DTD1: variants seen among roughly 807,000 people sequenced by gnomAD.
DTD1 encodes D-tyrosyl-tRNA deacylase 1 homolog.
Under a neutral mutation model 25.6 loss-of-function variants are expected in DTD1, and 13 were observed. That is an observed-to-expected ratio of 0.51 (90% confidence interval 0.33 to 0.81). The LOEUF is 0.81. DTD1 is among the 30% of genes least tolerant of loss of function. DTD1 has a pLI of 0.02. For synonymous variants in DTD1, 110 were observed against 103.6 expected, an observed-to-expected ratio of 1.06 and a Z score of -0.37; for missense variants, 193 against 266.4, an observed-to-expected ratio of 0.72 and a Z score of 1.92.
At chr20:18,594,292 C>T (rs1433965456) in intron 2 of DTD1, among the ~76,000 whole-genome samples, 2 of 152,120 alleles carry the variant, frequency 1.3e-5, no homozygotes, top group Non-Finnish European at 2.9e-5. Flanking sequence ...AGTCTGGGCT[C>T]CCTGACCTTG....
chr20:18,641,359 A>C (rs2060827439), intron 4 of DTD1, among the ~76,000 whole-genome samples: 1 of 152,234 alleles, frequency 6.6e-6, no homozygotes, highest in Non-Finnish European at 1.5e-5. Context: ...GTAAATACCT[A>C]GGTACAGGTT....
In DTD1 at chr20:18,651,979, G is replaced by A. The variant is rs191962612; in HGVS notation, c.477+23746G>A. On this transcript the variant is annotated intron_variant, in intron 4 of 5. Transcript: ENST00000377452. ...TGTCCAGAGGATGAGAGGTAGGGCC[G>A]TTAGCCACTGGTTCCTGTCCCCATT... 3.3e-3 allele frequency among the ~76,000 whole-genome samples: 507 copies of A among 152,322 alleles called. 4 individuals are homozygous for A. The highest frequency in any genetic ancestry group is 0.011 in the African/African-American group (476 of 41,568).
chr20:18,720,827 C>T (rs1396869609), intron 4 of DTD1, among the ~76,000 whole-genome samples: 1 of 151,870 alleles, frequency 6.6e-6, no homozygotes, highest in Admixed American at 6.6e-5. Flanking sequence ...CACTGCACTC[C>T]AGCCTGGGCG....
At chr20:18,718,809 T>C (rs983809374) in intron 4 of DTD1, among the ~76,000 whole-genome samples, 8 of 152,220 alleles carry the variant, frequency 5.3e-5, no homozygotes, top group African/African-American at 1.9e-4. Flanking sequence ...AAGGAGAACT[T>C]ATTTTATGTT....
chr20:18,706,667 T>G (rs2061127664), intron 4 of DTD1, among the ~76,000 whole-genome samples: 1 of 152,216 alleles, frequency 6.6e-6, no homozygotes. Flanking sequence ...ATAGGTAATC[T>G]CTTGAAAAAA....
intron 4 of DTD1, among the ~76,000 whole-genome samples, chr20:18,734,355 C>T (rs776379435): frequency 1.2e-4 from 18 of 152,210 alleles, no homozygotes; most frequent in Non-Finnish European, 2.5e-4. Flanking sequence ...AATCTCTATA[C>T]GAAGTTGACA....
intron 4 of DTD1, among the ~76,000 whole-genome samples, chr20:18,683,963 A>G (rs2061006952): frequency 6.6e-6 from 1 of 151,996 alleles, no homozygotes; most frequent in African/African-American, 2.4e-5. Flanking sequence ...CCTGGAGGGG[A>G]TAAGAGTAGG....
intron 3 of DTD1, among the ~76,000 whole-genome samples, chr20:18,613,167 G>T (rs2060694677): frequency 6.6e-6 from 1 of 152,078 alleles, no homozygotes; most frequent in African/African-American, 2.4e-5. Flanking sequence ...GATGTTATTG[G>T]TTCCATTCAA....
intron 3 of DTD1, among the ~76,000 whole-genome samples, chr20:18,620,731 C>T (rs753076801): frequency 1.3e-5 from 2 of 151,904 alleles, no homozygotes; most frequent in South Asian, 4.2e-4. Context: ...GTACCTGGGA[C>T]TATGAGCATG....
intron 4 of DTD1, among the ~76,000 whole-genome samples, chr20:18,643,876 G>C (rs1296909328): frequency 6.6e-6 from 1 of 152,074 alleles, no homozygotes; most frequent in African/African-American, 2.4e-5. Flanking sequence ...GTGTGTGTGT[G>C]TACATGCACT....
chr20:18,618,605 ATG>A (rs1026579091), intron 3 of DTD1, among the ~76,000 whole-genome samples: 37 of 150,024 alleles, frequency 2.5e-4, no homozygotes, highest in South Asian at 1.0e-3. Flanking sequence ...ATACATACAT[ATG>A]TGTGTGTATA....
At chr20:18,713,106 C>G (rs1327545770) in intron 4 of DTD1, among the ~76,000 whole-genome samples, 4 of 152,288 alleles carry the variant, frequency 2.6e-5, no homozygotes, top group Admixed American at 2.6e-4. Flanking sequence ...TCTGCTCCCC[C>G]TCCCATGGCC....
At chr20:18,673,901 T>C (rs2122394310) in intron 4 of DTD1, among the ~76,000 whole-genome samples, 1 of 147,364 alleles carries the variant, frequency 6.8e-6, no homozygotes, top group Admixed American at 6.9e-5. Flanking sequence ...TAAAACCCTA[T>C]GTTAGTTTTT....
At chr20:18,616,818 T>C (rs188207655) in intron 3 of DTD1, among the ~76,000 whole-genome samples, 174 of 152,222 alleles carry the variant, frequency 1.1e-3, no homozygotes, top group Middle Eastern at 3.4e-3. Flanking sequence ...AAAAAATTTT[T>C]TTAAAAAAGC....
chr20:18,664,304 A>G (rs975794342), intron 4 of DTD1, among the ~76,000 whole-genome samples: 3 of 152,194 alleles, frequency 2.0e-5, no homozygotes, highest in East Asian at 1.9e-4. Context: ...TTTAAGACCT[A>G]TAAGAAGGAA....
chr20:18,641,742 C>A (rs994027392), intron 4 of DTD1, among the ~76,000 whole-genome samples: 1 of 151,934 alleles, frequency 6.6e-6, no homozygotes, highest in East Asian at 1.9e-4. Flanking sequence ...TGCAGAAGTT[C>A]TTTATGTATT....
rs6081351 is a variant in DTD1, at chr20:18,749,330, G to A, written c.*19+5059G>A. 0.26 allele frequency among the ~76,000 whole-genome samples: 39,478 copies of A among 152,046 alleles called. 5,361 individuals are homozygous for A. Among genetic ancestry groups the A allele is most frequent in the Middle Eastern group, 0.35 (102 of 294 alleles). ...GCCTGTGAGAGTGCTGCTCAGCATC[G>A]CCGTGGGGTGGGGAAGGCTCCAGAG... is the stretch of plus-strand genomic sequence containing the variant. On this transcript the variant is annotated intron_variant, in intron 5 of 5. Coordinates refer to ENST00000377452, the MANE Select transcript of DTD1 (RefSeq NM_080820.6). This position sits in a 1 kb window ranked among gnomAD's most constrained non-coding sequence, Gnocchi z 4.2.
At chr20:18,655,152 T>TA (rs1385276565) in intron 4 of DTD1, among the ~76,000 whole-genome samples, 1 of 152,252 alleles carries the variant, frequency 6.6e-6, no homozygotes, top group Non-Finnish European at 1.5e-5. Flanking sequence ...TTAGGATCTG[T>TA]AATACAGCCT....
intron 4 of DTD1, among the ~76,000 whole-genome samples, chr20:18,648,833 A>G (rs2060860367): frequency 6.6e-6 from 1 of 151,748 alleles, no homozygotes; most frequent in Admixed American, 6.6e-5. Context: ...CGTCTCTACT[A>G]AAAATACAAA....
Sources: allele counts gnomAD v4.1 joint callset (sites outside exome capture counted in the v4.1 genomes callset), GRCh38; gene constraint gnomAD v4.1.1; non-coding constraint Gnocchi (gnomAD v3.1); transcripts MANE v1.5; gene names NCBI Gene and HGNC (gene_info 2026-07-23, HGNC 2026-07-21).